The following SFMBT1 variants were observed in gnomAD, a reference collection of about 807,000 sequenced individuals.
The protein encoded by SFMBT1 is scm-like with four MBT domains protein 1.
A neutral mutation model predicts 108.7 loss-of-function variants in SFMBT1; 32 were observed. The ratio of observed to expected loss-of-function variants is 0.29; its 90% CI spans 0.22 to 0.40. The LOEUF is 0.40. Among genes scored for constraint, SFMBT1 ranks in the 10% least tolerant of loss-of-function variants. The pLI, the probability that SFMBT1 is intolerant of heterozygous loss-of-function variation, is 1.00. For synonymous variants in SFMBT1, 348 were observed against 369.5 expected (o/e 0.94, Z 0.67); for missense variants, 816 against 1,059.6 (o/e 0.77, Z 3.19).
At chr3:52,988,502 A>G (rs577796258) in intron 1 of SFMBT1, among the ~76,000 whole-genome samples, 25 of 152,300 alleles carry the variant, frequency 1.6e-4, no homozygotes, top group Non-Finnish European at 2.4e-4. Context: ...GGGAAACACA[A>G]TGGTGAATGT....
At chr3:52,955,233 T>G (rs748992196) in intron 2 of SFMBT1, among the ~76,000 whole-genome samples, 3 of 151,892 alleles carry the variant, frequency 2.0e-5, no homozygotes, top group Admixed American at 2.0e-4. Flanking sequence ...GCCAACATGG[T>G]GAAACCCCGT....
intron 1 of SFMBT1, among the ~76,000 whole-genome samples, chr3:52,987,553 C>T (rs1451629763): frequency 6.6e-6 from 1 of 152,190 alleles, no homozygotes; most frequent in Non-Finnish European, 1.5e-5. Flanking sequence ...GCAGCAGGGG[C>T]AGCATTTGAA....
intron 1 of SFMBT1, among the ~76,000 whole-genome samples, chr3:53,025,067 A>G (rs2106948470): frequency 6.6e-6 from 1 of 152,334 alleles, no homozygotes; most frequent in South Asian, 2.1e-4. Context: ...AGTATTATAG[A>G]AACAGTACAG....
chr3:52,972,873 C>CACAT (rs1553639763), intron 1 of SFMBT1, among the ~76,000 whole-genome samples: 57 of 150,214 alleles, frequency 3.8e-4, no homozygotes, highest in African/African-American at 1.3e-3. Flanking sequence ...CACACACACA[C>CACAT]ACTAGCTGAG....
At chr3:52,919,337 T>C (rs1702450181) in intron 12 of SFMBT1, among the ~76,000 whole-genome samples, 1 of 152,178 alleles carries the variant, frequency 6.6e-6, no homozygotes, top group South Asian at 2.1e-4. Flanking sequence ...GGAATATTAT[T>C]CAGCTATATA....
rs148159303 is a variant in SFMBT1 at position 52,924,158 on chromosome 3, T to C, written c.1131+1873A>G. ...AGTAGAGTGAAGACATTTTCAAATA[T>C]ACAGTGTCAAAAAAAATTTACTTCC... On this transcript the variant is annotated intron_variant, in intron 10 of 20. Transcript: ENST00000394752. Among the ~76,000 whole-genome samples, 507 of 152,188 alleles carry C rather than the reference T, an allele frequency of 3.3e-3. 5 individuals carry two copies. The highest frequency in any genetic ancestry group is 0.011 in the African/African-American group (459 of 41,516).
chr3:53,035,787 T>C (rs576526170), intron 1 of SFMBT1, among the ~76,000 whole-genome samples: 13 of 152,254 alleles, frequency 8.5e-5, no homozygotes, highest in African/African-American at 3.1e-4. Flanking sequence ...TTGATGGGGT[T>C]TCACTATTTT....
chr3:52,973,225 A>G (rs1167536903), intron 1 of SFMBT1, among the ~76,000 whole-genome samples: 1 of 152,062 alleles, frequency 6.6e-6, no homozygotes, highest in African/African-American at 2.4e-5. Flanking sequence ...TCAAAAATTA[A>G]TAAGTAAAAA....
At chr3:53,016,836 A>G (rs1699142782) in intron 1 of SFMBT1, among the ~76,000 whole-genome samples, 2 of 151,944 alleles carry the variant, frequency 1.3e-5, no homozygotes, top group African/African-American at 2.4e-5. Context: ...TTTGCCTCTT[A>G]TTTTAAGAAA....
chr3:52,907,945 CA>C (rs2106758662), intron 17 of SFMBT1, among the ~76,000 whole-genome samples: 1 of 152,270 alleles, frequency 6.6e-6, no homozygotes, highest in South Asian at 2.1e-4. Flanking sequence ...ATCTTCAACC[CA>C]GAAAGCTCCC....
intron 2 of SFMBT1, among the ~76,000 whole-genome samples, chr3:52,960,661 G>A (rs1703931325): frequency 6.6e-6 from 1 of 151,904 alleles, no homozygotes; most frequent in Non-Finnish European, 1.5e-5. Flanking sequence ...GCATGTCTGT[G>A]TATATACCCA....
intron 1 of SFMBT1, among the ~76,000 whole-genome samples, chr3:53,003,346 C>T (rs752101040): frequency 6.7e-6 from 1 of 149,192 alleles, no homozygotes; most frequent in Non-Finnish European, 1.5e-5. Flanking sequence ...ATGTGATAAA[C>T]GTATTACGGC....
chr3:52,975,349 T>C (rs890782948), intron 1 of SFMBT1, among the ~76,000 whole-genome samples: 4 of 152,194 alleles, frequency 2.6e-5, no homozygotes, highest in Admixed American at 6.5e-5. Context: ...TCTGATTCTA[T>C]GGTTGACCCA....
intron 1 of SFMBT1, among the ~76,000 whole-genome samples, chr3:52,969,810 A>C: frequency 6.6e-6 from 1 of 152,138 alleles, no homozygotes; most frequent in Non-Finnish European, 1.5e-5. Flanking sequence ...TTTTTAAAAA[A>C]CAGCTTTAGG....
chr3:53,034,407 T>C (rs1003422350), intron 1 of SFMBT1, among the ~76,000 whole-genome samples: 24 of 150,358 alleles, frequency 1.6e-4, no homozygotes, highest in African/African-American at 4.6e-4. Context: ...TGAAATCCCA[T>C]CTCTACTAAA....
chr3:52,942,054 A>G (rs1703200372), intron 4 of SFMBT1, among the ~76,000 whole-genome samples: 1 of 152,138 alleles, frequency 6.6e-6, no homozygotes. Context: ...GGAGTTGGAG[A>G]CCAGTCTGGG....
rs10646648 is a variant in SFMBT1 at position 52,974,833 on chromosome 3, T to TAAAAA, written c.-130-5580_-130-5576dup. ...GGCAAGACCCTGTCTCTATAAAAAG[T>TAAAAA]AAAAAAAAAAAAAAAAAAAAAAAAT... On this transcript the variant is annotated intron_variant, in intron 1 of 20. Coordinates refer to ENST00000394752, the MANE Select transcript of SFMBT1 (RefSeq NM_016329.4). Among the ~76,000 whole-genome samples, 315 of 90,674 alleles carry TAAAAA rather than the reference T, an allele frequency of 3.5e-3. 2 individuals carry two copies. The highest frequency in any genetic ancestry group is 8.5e-3 in the African/African-American group (206 of 24,280). 59.5% of individuals were successfully genotyped at this position (90,674 alleles called of 152,430 possible). A position where few individuals can be genotyped will look rare whatever the true frequency, so the allele number is the denominator to read the frequency against.
chr3:52,920,954 T>C (rs1226509022), intron 11 of SFMBT1, among the ~76,000 whole-genome samples: 1 of 152,166 alleles, frequency 6.6e-6, no homozygotes, highest in Admixed American at 6.5e-5. Flanking sequence ...TTAATAAATA[T>C]CACAGTCATT....
In SFMBT1 at chr3:52,903,735, A is replaced by C. The variant is rs1559504391; in HGVS notation, c.*1401T>G. On this transcript the variant is annotated 3_prime_UTR_variant, in exon 21 of 21. Transcript: ENST00000394752. ...GCAAACCATTTAAGGGAGACAACCT[A>C]TGTATGTTTTTCCTCACTCCTCATG... 1 of 152,200 alleles carries C rather than the reference A, an allele frequency of 6.6e-6. No homozygotes were observed. The allele number at this position is 152,200 out of a possible 1,614,324, so 9.4% of individuals were successfully genotyped here.
Sources: gnomAD v4.1 joint callset for allele counts (sites outside exome capture counted in the v4.1 genomes callset) on GRCh38, gnomAD v4.1.1 for gene constraint, MANE v1.5 for transcripts, NCBI Gene and HGNC (gene_info 2026-07-23, HGNC 2026-07-21) for gene names.